MAGI1: variants seen among roughly 807,000 people sequenced by gnomAD.
MAGI1 encodes the protein membrane associated guanylate kinase, WW and PDZ domain containing 1.
MAGI1 carries 58 observed loss-of-function variants against 139.9 expected under a neutral mutation model. That is an observed-to-expected ratio of 0.41 (90% CI 0.34 to 0.52). MAGI1 has a LOEUF of 0.52. MAGI1 is among the 20% of genes least tolerant of loss of function. The probability of loss-of-function intolerance (pLI) is 0.12; values close to 1 mark genes in which losing one functional copy is unlikely to be tolerated. For synonymous variants in MAGI1, 812 were observed against 737.9 expected (o/e 1.10, Z -1.63); for missense variants, 1,874 against 1,901.6 (o/e 0.99, Z 0.27).
At chr3:65,988,427 A>T (rs2065995862) in intron 1 of MAGI1, among the ~76,000 whole-genome samples, 1 of 152,190 alleles carries the variant, frequency 6.6e-6, no homozygotes, top group South Asian at 2.1e-4. Context: ...CCTCAGTCAC[A>T]TCACTCCAGA....
At position 65,430,896 on chromosome 3, in the gene MAGI1, G is replaced by C. The variant is rs9825108; in HGVS notation, c.1364-15C>G. The stretch of plus-strand genomic sequence containing the variant: ...AAAGGGTTTGCCTGGATTAAAATAA[G>C]AAACGCATAAGGAATGTCACCACTG... On this transcript the variant is annotated splice_polypyrimidine_tract_variant and intron_variant, in intron 10 of 22. Coordinates refer to ENST00000402939, the MANE Select transcript of MAGI1 (RefSeq NM_001033057.2). 3.7e-6 allele frequency: 6 copies of C among 1,611,622 alleles called. No homozygotes were observed. Among genetic ancestry groups the C allele is most frequent in the Non-Finnish European group, 5.1e-6 (6 of 1,178,636 alleles).
chr3:65,704,839 T>C (rs937495118), intron 1 of MAGI1, among the ~76,000 whole-genome samples: 1 of 152,096 alleles, frequency 6.6e-6, no homozygotes, highest in Non-Finnish European at 1.5e-5. Flanking sequence ...CTAGACCCCG[T>C]CTCATCACAG....
At chr3:65,512,677 CA>C in intron 2 of MAGI1, among the ~76,000 whole-genome samples, 1 of 149,978 alleles carries the variant, frequency 6.7e-6, no homozygotes, top group Admixed American at 6.6e-5. Flanking sequence ...GTTTACCAAC[CA>C]AAAAGAGTCC....
At chr3:65,653,732 G>T (rs186861052) in intron 1 of MAGI1, among the ~76,000 whole-genome samples, 3 of 152,258 alleles carry the variant, frequency 2.0e-5, no homozygotes, top group Admixed American at 6.5e-5. Flanking sequence ...TTAGGCCAAG[G>T]TTATTTTAAA....
chr3:65,388,975 C>T (rs564037474), intron 14 of MAGI1, among the ~76,000 whole-genome samples: 1 of 150,956 alleles, frequency 6.6e-6, no homozygotes, highest in Non-Finnish European at 1.5e-5. Context: ...TCCCGAGTAG[C>T]TGGGACTACA....
chr3:65,365,288 C>T (rs1941307227), intron 18 of MAGI1: 1 of 478,614 alleles, frequency 2.1e-6, no homozygotes, highest in Non-Finnish European at 4.0e-6. Context: ...CAAAGTGCTG[C>T]ACCACAGCAG....
intron 1 of MAGI1, among the ~76,000 whole-genome samples, chr3:65,895,064 T>C (rs2060916301): frequency 6.6e-6 from 1 of 152,236 alleles, no homozygotes; most frequent in Admixed American, 6.5e-5. Flanking sequence ...AAACGTCTCT[T>C]TTATTTTAGA....
chr3:65,476,410 G>A (rs1304552458), intron 4 of MAGI1, among the ~76,000 whole-genome samples: 4 of 152,150 alleles, frequency 2.6e-5, no homozygotes, highest in African/African-American at 7.2e-5. Context: ...GACTGATTTT[G>A]GCCATGATGA....
chr3:66,025,701 T>C (rs997477936), intron 1 of MAGI1, among the ~76,000 whole-genome samples: 6 of 152,154 alleles, frequency 3.9e-5, no homozygotes, highest in Non-Finnish European at 7.3e-5. Flanking sequence ...TTTGTGTATG[T>C]GTGTGTGTCT....
At chr3:65,719,580 C>G (rs1053221903) in intron 1 of MAGI1, among the ~76,000 whole-genome samples, 4 of 149,764 alleles carry the variant, frequency 2.7e-5, no homozygotes, top group African/African-American at 7.4e-5. Flanking sequence ...GGGTCTCACT[C>G]TGTAGCCCAG....
At chr3:65,610,753 G>A (rs56033699) in intron 2 of MAGI1, among the ~76,000 whole-genome samples, 81,447 of 122,646 alleles carry the variant, frequency 0.66, 28,574 homozygotes, top group Non-Finnish European at 0.76. Context: ...TATATATACA[G>A]TATATATATA....
chr3:65,767,739 T>G (rs814756), intron 1 of MAGI1, among the ~76,000 whole-genome samples: 1 of 152,040 alleles, frequency 6.6e-6, no homozygotes, highest in Admixed American at 6.5e-5. Context: ...CAAAACAAAA[T>G]GAAAGTGTCT....
chr3:65,797,160 C>G (rs1005471273), intron 1 of MAGI1, among the ~76,000 whole-genome samples: 4 of 152,208 alleles, frequency 2.6e-5, no homozygotes, highest in African/African-American at 9.7e-5. Flanking sequence ...TCCTCAGTCT[C>G]TGAGATACAA....
At chr3:65,932,815 G>A (rs1213356038) in intron 1 of MAGI1, among the ~76,000 whole-genome samples, 1 of 152,180 alleles carries the variant, frequency 6.6e-6, no homozygotes, top group Non-Finnish European at 1.5e-5. Context: ...GGTTCCATGA[G>A]ACTTTGCCGT....
chr3:65,989,043 A>C (rs2066030410), intron 1 of MAGI1, among the ~76,000 whole-genome samples: 1 of 152,350 alleles, frequency 6.6e-6, no homozygotes, highest in East Asian at 1.9e-4. Context: ...CAAGTTAATA[A>C]GTCGAAGGAC....
intron 2 of MAGI1, among the ~76,000 whole-genome samples, chr3:65,587,808 T>C (rs928896497): frequency 2.0e-5 from 3 of 152,114 alleles, no homozygotes; most frequent in Non-Finnish European, 4.4e-5. Flanking sequence ...AGTTGAGAGA[T>C]TGAGTTGTAA....
At chr3:65,771,183 T>C (rs575506375) in intron 1 of MAGI1, among the ~76,000 whole-genome samples, 2 of 151,996 alleles carry the variant, frequency 1.3e-5, no homozygotes, top group South Asian at 4.2e-4. Flanking sequence ...GGCATGCACC[T>C]GTAGTCCCAG....
chr3:65,464,681 T>C (rs2107553011), intron 5 of MAGI1, among the ~76,000 whole-genome samples: 1 of 152,242 alleles, frequency 6.6e-6, no homozygotes, highest in South Asian at 2.1e-4. Flanking sequence ...GCGTCATAGA[T>C]AGCACACAAT....
At chr3:65,455,420 G>T (rs1021433794) in intron 5 of MAGI1, among the ~76,000 whole-genome samples, 2 of 152,042 alleles carry the variant, frequency 1.3e-5, no homozygotes, top group Admixed American at 1.3e-4. Flanking sequence ...TTTCAAGAAG[G>T]TTATATAGCG....
Sources: gnomAD v4.1 joint callset for allele counts (sites outside exome capture counted in the v4.1 genomes callset) on GRCh38, gnomAD v4.1.1 for gene constraint, MANE v1.5 for transcripts, NCBI Gene and HGNC (gene_info 2026-07-23, HGNC 2026-07-21) for gene names.